The following ABCA10 variants were observed in gnomAD, a reference collection of about 807,000 sequenced individuals.
The protein encoded by ABCA10 is ATP-binding cassette sub-family A member 10.
In ABCA10, 169 loss-of-function variants were observed where a neutral mutation model predicts 187.5. The ratio of observed to expected loss-of-function variants is 0.90; its 90% confidence interval spans 0.80 to 1.02. ABCA10 has a LOEUF of 1.02. Ranked by LOEUF, ABCA10 falls within the 50% of genes least tolerant of loss-of-function variation. The probability of loss-of-function intolerance (pLI) is 0.00; values close to 1 mark genes in which losing one functional copy is unlikely to be tolerated. For missense variants in ABCA10, 1,727 were observed against 1,812.4 expected (o/e 0.95, Z 0.86); for synonymous variants, 574 against 601.8 (o/e 0.95, Z 0.68).
At chr17:69,176,171 G>A (rs1251301802) in intron 22 of ABCA10, among the ~76,000 whole-genome samples, 1 of 152,122 alleles carries the variant, frequency 6.6e-6, no homozygotes, top group Non-Finnish European at 1.5e-5. Context: ...CTGAAGCACT[G>A]AGTTAAGTTG....
intron 3 of ABCA10, among the ~76,000 whole-genome samples, chr17:69,223,895 G>GA (rs915710866): frequency 4.6e-5 from 7 of 152,190 alleles, no homozygotes; most frequent in Non-Finnish European, 8.8e-5. Context: ...GACTAAGACA[G>GA]AAAGTGGCTA....
intron 1 of ABCA10, among the ~76,000 whole-genome samples, chr17:69,243,769 A>G (rs1041619344): frequency 1.3e-5 from 2 of 152,146 alleles, no homozygotes; most frequent in African/African-American, 2.4e-5. Context: ...GCAGTGGTGC[A>G]TGCCTGTAGT....
chr17:69,176,408 T>TTA (rs1568056789), intron 22 of ABCA10, among the ~76,000 whole-genome samples: 1 of 151,924 alleles, frequency 6.6e-6, no homozygotes, highest in East Asian at 1.9e-4. Context: ...ATTATTATTA[T>TTA]GACAAAAAAA....
rs2074811436 is a variant in ABCA10, at chr17:69,228,656, A to C, written c.-388T>G. ...CTTTTTGTCCAAGAAAACAATGAAG[A>C]ATCCTTCAAGGACTCCTCTACAAAT... is the stretch of plus-strand genomic sequence containing the variant. On this transcript the variant is annotated 5_prime_UTR_variant, in exon 1 of 39. In the 5' UTR this introduces an upstream ATG that the reference lacks. Transcript: ENST00000690296. The C allele has an allele frequency of 2.6e-5, 4 of 152,010 alleles. No homozygotes were observed. Among genetic ancestry groups the C allele is most frequent in the Admixed American group, 2.0e-4 (3 of 15,236 alleles). 9.4% of individuals were successfully genotyped at this position (152,010 alleles called of 1,614,324 possible).
chr17:69,170,521 GTAAT>G (rs2074290825), intron 25 of ABCA10, among the ~76,000 whole-genome samples: 1 of 151,082 alleles, frequency 6.6e-6, no homozygotes, highest in Admixed American at 6.6e-5. Context: ...CTTGTAAGGA[GTAAT>G]TAAACACTTC....
At chr17:69,153,806 CA>C (rs1339039129) in intron 32 of ABCA10, 24 bp downstream of exon 32, 1 of 1,583,684 alleles carries the variant, frequency 6.3e-7, no homozygotes, top group Non-Finnish European at 8.6e-7. Context: ...CCTCCTGCTA[CA>C]AATTGTGAGA....
intron 30 of ABCA10, among the ~76,000 whole-genome samples, chr17:69,154,527 C>T (rs1377716473): frequency 6.7e-6 from 1 of 149,896 alleles, no homozygotes; most frequent in Admixed American, 6.7e-5. Flanking sequence ...TGGGCTCAAG[C>T]GATCTTCCTG....
chr17:69,206,193 A>G (rs1344886315), intron 9 of ABCA10, among the ~76,000 whole-genome samples: 4 of 152,252 alleles, frequency 2.6e-5, no homozygotes, highest in Non-Finnish European at 5.9e-5. Context: ...GAAATTAGGT[A>G]GATACAAATG....
In ABCA10 at chr17:69,219,733, T is replaced by C. The variant is rs1380564162; in HGVS notation, c.342A>G (p.Ser114=). The change falls in exon 6 of 39, where the codon TCA becomes TCG. Residue 114 remains serine (S), a synonymous_variant. Coordinates refer to ENST00000690296, the MANE Select transcript of ABCA10 (RefSeq NM_001377321.1). The part of the protein sequence containing the change: ...TNHSVMEELT[S]VIGINMKIPP... The stretch of plus-strand genomic sequence containing the variant: ...GTATCTTCATATTTATTCCAATAAC[T>C]GATGTCAACTCCTCCATTACAGAAT... 1.2e-6 allele frequency: 2 copies of C among 1,606,224 alleles called. No individual in the cohort carries two copies. Among genetic ancestry groups the C allele is most frequent in the Non-Finnish European group, 1.7e-6 (2 of 1,176,846 alleles).
In ABCA10 at chr17:69,149,814, A is replaced by G. The variant is rs916523197; in HGVS notation, c.4477+170T>C. Among the ~76,000 whole-genome samples the G allele has an allele frequency of 1.3e-4, 20 of 152,142 alleles. 1 individual carries two copies. ...GAAGAATCAGGTGGAACAAACCAAC[A>G]TCTAGGACCATGACTTCATTTCCTT... is the stretch of plus-strand genomic sequence containing the variant. On this transcript the variant is annotated intron_variant, in intron 37 of 38. Transcript: ENST00000690296.
intron 11 of ABCA10, chr17:69,196,350 A>C (rs1003453520): frequency 1.1e-5 from 2 of 175,704 alleles, no homozygotes; most frequent in African/African-American, 4.9e-5. Flanking sequence ...GGTCGGGCAG[A>C]GACACTCCTC....
chr17:69,220,247 G>A lies in ABCA10; in HGVS notation c.304-476C>T, dbSNP rs112600369. ...CCTAAACAAAGATTGGGGGAGGGGG[G>A]GTGGTTGAGGATGGAGAAGAAAACT... On this transcript the variant is annotated intron_variant, in intron 5 of 38. Transcript: ENST00000690296. Among the ~76,000 whole-genome samples, 5 of 152,070 alleles carry A rather than the reference G, an allele frequency of 3.3e-5. 1 individual carries two copies. The highest frequency in any genetic ancestry group is 9.6e-5 in the African/African-American group (4 of 41,454).
In ABCA10 at chr17:69,227,967, G is replaced by A. The variant is rs568777549; in HGVS notation, c.-313+614C>T. Among the ~76,000 whole-genome samples, 425 of 151,972 alleles carry A rather than the reference G, an allele frequency of 2.8e-3. 2 individuals carry two copies. The highest frequency in any genetic ancestry group is 9.8e-3 in the African/African-American group (407 of 41,510). ...TTTGTTTTCAATTTGAAAATCCAGA[G>A]CTGATCATTTGGTGTCACAACTATG... On this transcript the variant is annotated intron_variant, in intron 1 of 38. Transcript: ENST00000690296.
intron 1 of ABCA10, chr17:69,233,841 T>C (rs1226444940): frequency 6.6e-6 from 1 of 152,240 alleles, no homozygotes; most frequent in East Asian, 1.9e-4. Context: ...GGGAGAGCTC[T>C]GAGATTTATG....
chr17:69,168,837 A>G (rs560633897), intron 25 of ABCA10, among the ~76,000 whole-genome samples: 15 of 152,180 alleles, frequency 9.9e-5, no homozygotes, highest in African/African-American at 3.1e-4. Context: ...CTCTTTGCCT[A>G]CTGCCATCCA....
chr17:69,165,001 G>A lies in ABCA10; in HGVS notation c.3245C>T (p.Ser1082Phe), dbSNP rs1444745385. The A allele has an allele frequency of 1.2e-6, 2 of 1,613,304 alleles. No homozygotes were observed. Among genetic ancestry groups the A allele is most frequent in the Non-Finnish European group, 1.7e-6 (2 of 1,179,462 alleles). ...CATGACATACCCCAGCAAAGTGAAGGAAGGTATGAAAATCATGCACAAAAT... is the reference window on the plus strand; with the variant it reads ...CATGACATACCCCAGCAAAGTGAAGAAAGGTATGAAAATCATGCACAAAAT... ...NLILCMIFIPSFTLLGYVMLL... is the reference protein window; with the variant it reads ...NLILCMIFIPFFTLLGYVMLL... The change falls in exon 26 of 39, where the codon TCC (serine) becomes TTC (phenylalanine). Residue 1082 changes from serine (S) to phenylalanine (F), a missense_variant. Transcript: ENST00000690296.
chr17:69,192,688 A>G, intron 15 of ABCA10, 35 bp from the exon 16 acceptor site: 1 of 1,533,854 alleles, frequency 6.5e-7, no homozygotes, highest in Non-Finnish European at 9.0e-7. Flanking sequence ...AATTATGTGA[A>G]GAGTAATTCC....
At chr17:69,210,865 T>TATATATATATATATA (rs1555662878) in intron 9 of ABCA10, among the ~76,000 whole-genome samples, 112 of 145,548 alleles carry the variant, frequency 7.7e-4, no homozygotes, top group African/African-American at 2.9e-3. Context: ...TATATATATA[T>TATATATATATATATA]GCCATATTTC....
intron 1 of ABCA10, among the ~76,000 whole-genome samples, chr17:69,237,283 T>C (rs185248035): frequency 3.9e-5 from 6 of 152,308 alleles, no homozygotes. Context: ...TCCAGATCAA[T>C]GCAAAATGTT....
Sources: allele counts gnomAD v4.1 joint callset (sites outside exome capture counted in the v4.1 genomes callset), GRCh38; gene constraint gnomAD v4.1.1; transcripts MANE v1.5; gene names NCBI Gene and HGNC (gene_info 2026-07-23, HGNC 2026-07-21).